The following PACRG variants were observed in gnomAD, a reference collection of about 807,000 sequenced individuals.
PACRG encodes parkin coregulated gene protein.
PACRG carries 29 observed loss-of-function variants against 29.7 expected under a neutral mutation model. The ratio of observed to expected loss-of-function variants is 0.98; its 90% CI spans 0.73 to 1.33. The LOEUF (loss-of-function observed/expected upper bound fraction) is 1.33, where lower values mean the gene tolerates loss of function less well. Ranked by LOEUF, PACRG falls within the 40% of genes most tolerant of loss-of-function variation. The pLI, the probability that PACRG is intolerant of heterozygous loss-of-function variation, is 0.00. For synonymous variants in PACRG, 116 were observed against 118.7 expected (o/e 0.98, Z 0.15); for missense variants, 279 against 316.2 (o/e 0.88, Z 0.89).
At chr6:163,296,684 C>G (rs760266516) in intron 4 of PACRG, among the ~76,000 whole-genome samples, 16 of 152,192 alleles carry the variant, frequency 1.1e-4, no homozygotes, top group Non-Finnish European at 2.1e-4. Flanking sequence ...GACAGACACA[C>G]TACTCGAGTA....
At chr6:163,213,846 C>T (rs542524143) in intron 4 of PACRG, among the ~76,000 whole-genome samples, 19 of 150,248 alleles carry the variant, frequency 1.3e-4, no homozygotes, top group African/African-American at 4.4e-4. Flanking sequence ...TAATTATTTG[C>T]TCTAACTGAA....
chr6:163,280,659 G>A (rs372472002), intron 4 of PACRG, among the ~76,000 whole-genome samples: 1 of 152,182 alleles, frequency 6.6e-6, no homozygotes, highest in Non-Finnish European at 1.5e-5. Context: ...AGTATCTGGG[G>A]AGGGCTCTTT....
At chr6:163,040,747 TCTC>T (rs1808618329) in intron 2 of PACRG, among the ~76,000 whole-genome samples, 1 of 152,344 alleles carries the variant, frequency 6.6e-6, no homozygotes. Flanking sequence ...TTGGCTAATT[TCTC>T]CTATTTGGAA....
chr6:162,831,316 T>C (rs1562642100), intron 2 of PACRG, among the ~76,000 whole-genome samples: 1 of 152,322 alleles, frequency 6.6e-6, no homozygotes, highest in East Asian at 1.9e-4. Context: ...TATTAAATAT[T>C]TCATTCGACA....
intron 3 of PACRG, among the ~76,000 whole-genome samples, chr6:163,066,194 A>G (rs567982980): frequency 3.3e-5 from 5 of 152,248 alleles, no homozygotes; most frequent in Non-Finnish European, 5.9e-5. Context: ...GGACAGGGGA[A>G]AAAGCAATAC....
chr6:162,924,619 C>CT (rs1263809273), intron 2 of PACRG, among the ~76,000 whole-genome samples: 2 of 151,630 alleles, frequency 1.3e-5, no homozygotes, highest in South Asian at 2.1e-4. Flanking sequence ...TTATTAAATG[C>CT]TTTTTTTTCT....
At chr6:162,905,452 A>G (rs1451944294) in intron 2 of PACRG, among the ~76,000 whole-genome samples, 1 of 152,178 alleles carries the variant, frequency 6.6e-6, no homozygotes, top group Non-Finnish European at 1.5e-5. Context: ...GGCAGCATTT[A>G]CAGTCACTAA....
intron 4 of PACRG, among the ~76,000 whole-genome samples, chr6:163,201,326 T>C (rs1029042797): frequency 1.3e-5 from 2 of 152,208 alleles, no homozygotes; most frequent in Non-Finnish European, 2.9e-5. Flanking sequence ...CTACAACATT[T>C]ATCAGTTCAC....
intron 2 of PACRG, among the ~76,000 whole-genome samples, chr6:162,882,100 G>T (rs560785867): frequency 7.6e-6 from 1 of 131,628 alleles, no homozygotes; most frequent in Admixed American, 7.7e-5. Flanking sequence ...GTGGGGGGGC[G>T]CACTCTCCAC....
At chr6:162,995,378 C>T (rs574735979) in intron 2 of PACRG, among the ~76,000 whole-genome samples, 1 of 152,040 alleles carries the variant, frequency 6.6e-6, no homozygotes, top group South Asian at 2.1e-4. Context: ...GACTGCTGTG[C>T]TAGCAATCAG....
At chr6:163,309,259 G>A (rs1465550692) in intron 4 of PACRG, among the ~76,000 whole-genome samples, 2 of 152,232 alleles carry the variant, frequency 1.3e-5, no homozygotes, top group Non-Finnish European at 2.9e-5. Flanking sequence ...ACCGATGGCG[G>A]TGCGGCTGAA....
intron 4 of PACRG, among the ~76,000 whole-genome samples, chr6:163,156,738 G>A (rs1218097792): frequency 6.6e-6 from 1 of 152,176 alleles, no homozygotes; most frequent in African/African-American, 2.4e-5. Flanking sequence ...CCCTCCTGGG[G>A]CTCTGCTGGA....
At chr6:162,935,497 T>A (rs1798170442) in intron 2 of PACRG, among the ~76,000 whole-genome samples, 1 of 151,756 alleles carries the variant, frequency 6.6e-6, no homozygotes, top group Non-Finnish European at 1.5e-5. Context: ...TTCTCAATTG[T>A]ATTTTTTTTT....
intron 3 of PACRG, among the ~76,000 whole-genome samples, chr6:163,068,601 T>C (rs1811763953): frequency 6.6e-6 from 1 of 152,082 alleles, no homozygotes; most frequent in African/African-American, 2.4e-5. Flanking sequence ...TTTCTCTTGG[T>C]TTTCTGATGT....
intron 4 of PACRG, among the ~76,000 whole-genome samples, chr6:163,259,063 T>C (rs1783224159): frequency 6.6e-6 from 1 of 152,192 alleles, no homozygotes. Context: ...GCAGCATTAT[T>C]AGACCCATTT....
chr6:163,247,769 TG>T (rs1336232361), intron 4 of PACRG, among the ~76,000 whole-genome samples: 1 of 152,180 alleles, frequency 6.6e-6, no homozygotes, highest in African/African-American at 2.4e-5. Context: ...ACCGTCTACC[TG>T]CCACTGTCCC....
At chr6:162,782,246 A>G (rs1784147423) in intron 1 of PACRG, among the ~76,000 whole-genome samples, 1 of 151,950 alleles carries the variant, frequency 6.6e-6, no homozygotes, top group Non-Finnish European at 1.5e-5. Context: ...AACTGACACA[A>G]TTTCATGGGG....
intron 1 of PACRG, among the ~76,000 whole-genome samples, chr6:162,734,590 G>A (rs542448416): frequency 1.8e-4 from 28 of 152,062 alleles, no homozygotes; most frequent in African/African-American, 5.8e-4. Flanking sequence ...ATATATAATA[G>A]GGCTAGTGAT....
intron 4 of PACRG, among the ~76,000 whole-genome samples, chr6:163,278,557 G>A (rs1405403775): frequency 6.6e-6 from 1 of 152,142 alleles, no homozygotes; most frequent in Non-Finnish European, 1.5e-5. Flanking sequence ...CATGTGGCTT[G>A]CCAATTATCT....
Sources: gnomAD v4.1 joint callset for allele counts (sites outside exome capture counted in the v4.1 genomes callset) on GRCh38, gnomAD v4.1.1 for gene constraint, MANE v1.5 for transcripts, NCBI Gene and HGNC (gene_info 2026-07-23, HGNC 2026-07-21) for gene names.